Variants in ARPC5L observed in about 807,000 individuals in gnomAD.
ARPC5L encodes the protein actin-related protein 2/3 complex subunit 5-like protein.
A neutral mutation model predicts 16.9 loss-of-function variants in ARPC5L; 4 were observed. That is an observed-to-expected ratio of 0.24 (90% CI 0.12 to 0.54). The LOEUF is 0.54. ARPC5L is among the 20% of genes least tolerant of loss of function. The pLI is 0.95. For missense variants in ARPC5L, 151 were observed against 201.9 expected, an observed-to-expected ratio of 0.75 and a Z score of 1.53; for synonymous variants, 78 against 82.6, an observed-to-expected ratio of 0.94 and a Z score of 0.30.
Position 124,869,260 on chromosome 9 carries a change from G to T in ARPC5L, c.-31G>T, listed in dbSNP as rs1199493327. ...CAGAGCCGAGGTCGGGCCGCGAGCG[G>T]AGCCGGCTGAGCGGGCGCCGAGCTC... On this transcript the variant is annotated 5_prime_UTR_variant, in exon 3 of 6. Coordinates refer to ENST00000353214, the MANE Select transcript of ARPC5L (RefSeq NM_030978.3). The T allele has an allele frequency of 6.7e-7, 1 of 1,500,236 alleles. No individual in the cohort carries two copies. Among genetic ancestry groups the T allele is most frequent in the Non-Finnish European group, 8.9e-7 (1 of 1,126,100 alleles). 92.9% of individuals were successfully genotyped at this position (1,500,236 alleles called of 1,614,324 possible). A position where few individuals can be genotyped will look rare whatever the true frequency, so the allele number is the denominator to read the frequency against.
chr9:124,867,570 A>G (rs905875011), intron 2 of ARPC5L, among the ~76,000 whole-genome samples: 4 of 150,644 alleles, frequency 2.7e-5, no homozygotes, highest in African/African-American at 1.0e-4. Flanking sequence ...CTGGAATGAA[A>G]GTCCATGACC....
In ARPC5L at chr9:124,864,082, A is replaced by C. The variant is rs1301947824; in HGVS notation, c.-889A>C. 6.6e-6 allele frequency: 1 copy of C among 152,224 alleles called. No homozygotes were observed. The highest frequency in any genetic ancestry group is 2.4e-5 in the African/African-American group (1 of 41,462). 9.4% of individuals were successfully genotyped at this position (152,224 alleles called of 1,614,324 possible). On this transcript the variant is annotated 5_prime_UTR_variant, in exon 2 of 6. Coordinates refer to ENST00000353214, the MANE Select transcript of ARPC5L (RefSeq NM_030978.3). ...CAGTACATGGATGCTTGTTGGATGA[A>C]TTAATGAACCTTGACCCACACCAAG...
At chr9:124,866,220 A>G (rs972255951) in intron 2 of ARPC5L, among the ~76,000 whole-genome samples, 1 of 151,906 alleles carries the variant, frequency 6.6e-6, no homozygotes, top group African/African-American at 2.4e-5. Context: ...CCTGGCCCAC[A>G]TGGTGAAACC....
chr9:124,865,249 G>A (rs1246525173), intron 2 of ARPC5L, among the ~76,000 whole-genome samples: 3 of 145,984 alleles, frequency 2.1e-5, no homozygotes, highest in Non-Finnish European at 4.5e-5. Context: ...CCCAGAGGCA[G>A]AGGTTGCAGT....
chr9:124,869,327 G>C lies in ARPC5L; in HGVS notation c.37G>C (p.Val13Leu), dbSNP rs1222828706. Reference sequence around the variant, plus strand: ...CACGCTGTCCTCGCGCTTCCGCCGGGTGGACATCGACGAATTTGACGAGAA... The same window carrying C: ...CACGCTGTCCTCGCGCTTCCGCCGGCTGGACATCGACGAATTTGACGAGAA... Reference protein sequence around the residue: ...RNTLSSRFRRVDIDEFDENKF... With the variant: ...RNTLSSRFRRLDIDEFDENKF... The change falls in exon 3 of 6, where the codon GTG becomes CTG. Residue 13 changes from valine (V) to leucine (L), a missense_variant. Coordinates refer to ENST00000353214, the MANE Select transcript of ARPC5L (RefSeq NM_030978.3). 6.5e-7 allele frequency: 1 copy of C among 1,531,666 alleles called. No individual in the cohort carries two copies. Among genetic ancestry groups the C allele is most frequent in the Non-Finnish European group, 8.8e-7 (1 of 1,139,050 alleles). 94.9% of individuals were successfully genotyped at this position (1,531,666 alleles called of 1,614,324 possible). A position where few individuals can be genotyped will look rare whatever the true frequency, so the allele number is the denominator to read the frequency against.
rs1260410459 is a variant in ARPC5L, at chr9:124,869,329, G to T, written c.39G>T (p.Val13=). ...CGCTGTCCTCGCGCTTCCGCCGGGT[G>T]GACATCGACGAATTTGACGAGAACA... ...RNTLSSRFRR[V]DIDEFDENKF... Residue 13 remains valine (V), a synonymous_variant, in exon 3 of 6, where the codon GTG becomes GTT. Coordinates refer to ENST00000353214, the MANE Select transcript of ARPC5L (RefSeq NM_030978.3). 1.2e-5 allele frequency: 19 copies of T among 1,531,570 alleles called. No individual in the cohort carries two copies. The highest frequency in any genetic ancestry group is 1.6e-5 in the Non-Finnish European group (18 of 1,139,054). 94.9% of individuals were successfully genotyped at this position (1,531,570 alleles called of 1,614,324 possible).
rs2131341920 is a variant in ARPC5L at position 124,877,615 on chromosome 9, C to A, written c.*675C>A. 6.6e-6 allele frequency: 1 copy of A among 152,408 alleles called. No individual in the cohort carries two copies. Among genetic ancestry groups the A allele is most frequent in the Non-Finnish European group, 1.5e-5 (1 of 68,044 alleles). The allele number at this position is 152,408 out of a possible 1,614,324, so 9.4% of individuals were successfully genotyped here. On this transcript the variant is annotated 3_prime_UTR_variant, in exon 6 of 6. Transcript: ENST00000353214. ...GCCTCGGCCTCAGAGCTGCCGGCTG[C>A]TGCAGAGAGGTGTTTGCTGAATAAA...
intron 3 of ARPC5L, among the ~76,000 whole-genome samples, chr9:124,872,283 G>C (rs539735338): frequency 6.6e-5 from 10 of 152,176 alleles, no homozygotes; most frequent in African/African-American, 2.4e-4. Context: ...TTATTGCTTT[G>C]GGGACACCAC....
intron 4 of ARPC5L, among the ~76,000 whole-genome samples, chr9:124,874,472 C>G (rs560703132): frequency 6.6e-6 from 1 of 152,106 alleles, no homozygotes; most frequent in Non-Finnish European, 1.5e-5. Flanking sequence ...GCAGGAGGAT[C>G]GCTTGAGCTC....
Position 124,873,743 on chromosome 9 carries a change from C to T in ARPC5L, c.201C>T (p.Asn67=), listed in dbSNP as rs1264522710. ...FHAALRNSPV[N]TKNQAVKERA... The stretch of plus-strand genomic sequence containing the variant: ...CAGCCTTGCGGAACTCTCCCGTCAA[C>T]ACCAAGAATCAAGCTGTGAAGGTAA... Residue 67 remains asparagine, a synonymous_variant, in exon 4 of 6, where the codon AAC becomes AAT. Transcript: ENST00000353214. The T allele has an allele frequency of 6.2e-7, 1 of 1,614,090 alleles. No homozygotes were observed. Among genetic ancestry groups the T allele is most frequent in the African/African-American group, 1.3e-5 (1 of 74,922 alleles).
At chr9:124,872,260 T>A (rs1224314177) in intron 3 of ARPC5L, among the ~76,000 whole-genome samples, 2 of 152,140 alleles carry the variant, frequency 1.3e-5, no homozygotes, top group African/African-American at 4.8e-5. Flanking sequence ...CTGTTCAGCC[T>A]ATGGGATCCT....
chr9:124,868,898 C>T lies in ARPC5L; in HGVS notation c.-393C>T. Reference sequence around the variant, plus strand: ...ATCACCCCGGGAGCACGCGCCCGGCCCCGCTGAGGCCAGGGGCTCCTCGGA... The same window carrying T: ...ATCACCCCGGGAGCACGCGCCCGGCTCCGCTGAGGCCAGGGGCTCCTCGGA... On this transcript the variant is annotated 5_prime_UTR_variant, in exon 3 of 6. Transcript: ENST00000353214. 5.8e-6 allele frequency: 1 copy of T among 172,766 alleles called. No homozygotes were observed. Among genetic ancestry groups the T allele is most frequent in the Non-Finnish European group, 1.2e-5 (1 of 82,048 alleles). The allele number at this position is 172,766 out of a possible 1,614,324, so 10.7% of individuals were successfully genotyped here.
intron 3 of ARPC5L, among the ~76,000 whole-genome samples, chr9:124,871,930 A>G (rs144691932): frequency 4.5e-4 from 68 of 152,300 alleles, no homozygotes; most frequent in African/African-American, 1.4e-3. Flanking sequence ...GAGGAGATCA[A>G]GGGCTGGGCA....
At chr9:124,871,786 A>G (rs1003695767) in intron 3 of ARPC5L, among the ~76,000 whole-genome samples, 5 of 152,092 alleles carry the variant, frequency 3.3e-5, no homozygotes, top group African/African-American at 1.2e-4. Context: ...AGGAAACTGG[A>G]GACATTTTGA....
Position 124,877,354 on chromosome 9 carries a change from A to G in ARPC5L, c.*414A>G. The G allele has an allele frequency of 5.6e-6, 1 of 177,406 alleles. No homozygotes were observed. Among genetic ancestry groups the G allele is most frequent in the Non-Finnish European group, 1.2e-5 (1 of 85,066 alleles). 11.0% of individuals were successfully genotyped at this position (177,406 alleles called of 1,614,324 possible). A position where few individuals can be genotyped will look rare whatever the true frequency, so the allele number is the denominator to read the frequency against. On this transcript the variant is annotated 3_prime_UTR_variant, in exon 6 of 6. Coordinates refer to ENST00000353214, the MANE Select transcript of ARPC5L (RefSeq NM_030978.3). ...TCCTGTCTTCCCAGAGAAGGTGGAC[A>G]CTCTTGGGCTCATTGTAAAGTGCCT...
At position 124,877,439 on chromosome 9, in the gene ARPC5L, TA is replaced by T. The variant is rs202100752; in HGVS notation, c.*508del. 5 of 152,516 alleles carry T rather than the reference TA, an allele frequency of 3.3e-5. No individual in the cohort carries two copies. Among genetic ancestry groups the T allele is most frequent in the Non-Finnish European group, 7.3e-5 (5 of 68,390 alleles). 9.4% of individuals were successfully genotyped at this position (152,516 alleles called of 1,614,324 possible). On this transcript the variant is annotated 3_prime_UTR_variant, in exon 6 of 6. Coordinates refer to ENST00000353214, the MANE Select transcript of ARPC5L (RefSeq NM_030978.3). Reference sequence around the variant, plus strand: ...TACATTGCGGTGTGTTTCGTGTATGTAAAAAAAAATGGTAATGAATGGGATG... The same window carrying T: ...TACATTGCGGTGTGTTTCGTGTATGTAAAAAAAATGGTAATGAATGGGATG...
chr9:124,873,552 G>GC lies in ARPC5L; in HGVS notation c.150-134dup, dbSNP rs1481500443. The stretch of plus-strand genomic sequence containing the variant: ...CCTGTGCAGGCTGTAAACCGTCTCT[G>GC]CCCCCCTGGAAGCCGTGGAAGGTGG... On this transcript the variant is annotated intron_variant, in intron 3 of 5. Coordinates refer to ENST00000353214, the MANE Select transcript of ARPC5L (RefSeq NM_030978.3). 14 of 910,754 alleles carry GC rather than the reference G, an allele frequency of 1.5e-5. No individual in the cohort carries two copies. In the East Asian group the frequency reaches 2.0e-4, roughly 13 times the overall value. The allele number at this position is 910,754 out of a possible 1,614,324, so 56.4% of individuals were successfully genotyped here. A position where few individuals can be genotyped will look rare whatever the true frequency, so the allele number is the denominator to read the frequency against.
At chr9:124,876,749 T>C in intron 5 of ARPC5L, 129 bp from the exon 6 acceptor site, 1 of 735,232 alleles carries the variant, frequency 1.4e-6, no homozygotes, top group Non-Finnish European at 2.2e-6. Flanking sequence ...GTGCTCTATC[T>C]CAGGAATCCT....
intron 2 of ARPC5L, among the ~76,000 whole-genome samples, chr9:124,864,795 C>T (rs1008949977): frequency 6.6e-6 from 1 of 151,418 alleles, no homozygotes; most frequent in African/African-American, 2.4e-5. Context: ...TGAGCCACGG[C>T]GCAGTGCGCC....
Sources: allele counts gnomAD v4.1 joint callset (sites outside exome capture counted in the v4.1 genomes callset), GRCh38; gene constraint gnomAD v4.1.1; transcripts MANE v1.5; gene names NCBI Gene and HGNC (gene_info 2026-07-23, HGNC 2026-07-21).